The following SHLD2 variants were observed in gnomAD, a reference collection of about 807,000 sequenced individuals.
The protein encoded by SHLD2 is shieldin complex subunit 2.
SHLD2 carries 30 observed loss-of-function variants against 73.2 expected under a neutral mutation model. The observed-to-expected ratio is 0.41, with a 90% CI of 0.31 to 0.56. The LOEUF (loss-of-function observed/expected upper bound fraction) is 0.56. Among genes scored for constraint, SHLD2 ranks in the 20% least tolerant of loss-of-function variants. SHLD2 has a pLI of 0.28. For missense variants in SHLD2, 745 were observed against 1,055.9 expected (o/e 0.71, Z 4.08); for synonymous variants, 285 against 370.1 (o/e 0.77, Z 2.64).
chr10:87,110,299 G>A (rs1346843704), intron 2 of SHLD2, among the ~76,000 whole-genome samples: 1 of 147,980 alleles, frequency 6.8e-6, no homozygotes, highest in Non-Finnish European at 1.5e-5. Flanking sequence ...CTCAAAATAA[G>A]TAAATAAATA....
chr10:87,127,541 C>CG lies in SHLD2; in HGVS notation c.-5-23809_-5-23808insG, dbSNP rs1473390918. On this transcript the variant is annotated intron_variant, in intron 2 of 9. Transcript: ENST00000298786. Reference sequence around the variant, plus strand: ...GTCCCTCTTACCCGCCCCCCCCCACCCCGTCTGCCACCCCCCGCCTCCCAC... The same window carrying CG: ...GTCCCTCTTACCCGCCCCCCCCCACCGCCGTCTGCCACCCCCCGCCTCCCAC... Among the ~76,000 whole-genome samples, 217 of 82,102 alleles carry CG rather than the reference C, an allele frequency of 2.6e-3. 8 individuals carry two copies. The highest frequency in any genetic ancestry group is 3.7e-3 in the Non-Finnish European group (144 of 39,118). 53.9% of individuals were successfully genotyped at this position (82,102 alleles called of 152,430 possible).
At chr10:87,106,690 A>G (rs1013736847) in intron 2 of SHLD2, among the ~76,000 whole-genome samples, 1 of 152,250 alleles carries the variant, frequency 6.6e-6, no homozygotes, top group Non-Finnish European at 1.5e-5. Context: ...TGAGGATTAT[A>G]ATGAAATATC....
chr10:87,117,706 G>T (rs1313059473), intron 2 of SHLD2, among the ~76,000 whole-genome samples: 1 of 152,048 alleles, frequency 6.6e-6, no homozygotes, highest in Non-Finnish European at 1.5e-5. Flanking sequence ...GAGGTGGGAG[G>T]ATCTCTTGAG....
At position 87,095,206 on chromosome 10, in the gene SHLD2, G is replaced by C. The variant is rs918170554; in HGVS notation, c.-104G>C. The C allele has an allele frequency of 4.9e-4, 72 of 146,918 alleles. No homozygotes were observed. The highest frequency in any genetic ancestry group is 1.7e-3 in the African/African-American group (70 of 40,234). 9.1% of individuals were successfully genotyped at this position (146,918 alleles called of 1,614,324 possible). On this transcript the variant is annotated 5_prime_UTR_variant, in exon 1 of 10. Coordinates refer to ENST00000298786, the MANE Select transcript of SHLD2 (RefSeq NM_001330112.2). ...GGTCGGGGCGGGCCCACGGGCGGCC[G>C]GATTTGCCCGGAGGCCGCACCCGCC... is the stretch of plus-strand genomic sequence containing the variant.
intron 2 of SHLD2, among the ~76,000 whole-genome samples, chr10:87,142,290 G>T (rs1193484183): frequency 1.3e-5 from 2 of 152,176 alleles, no homozygotes; most frequent in Non-Finnish European, 1.5e-5. Context: ...ATAAATCAGT[G>T]CTTTGGGAGC....
At chr10:87,107,139 G>A (rs1564577545) in intron 2 of SHLD2, among the ~76,000 whole-genome samples, 1 of 151,240 alleles carries the variant, frequency 6.6e-6, no homozygotes, top group Admixed American at 6.6e-5. Flanking sequence ...AAGGCCAGGT[G>A]CAGTGGCTCA....
chr10:87,140,696 G>C (rs894011992), intron 2 of SHLD2, among the ~76,000 whole-genome samples: 2 of 150,868 alleles, frequency 1.3e-5, no homozygotes, highest in African/African-American at 4.9e-5. Flanking sequence ...AATAAAATTA[G>C]TGCCAGTCAT....
In SHLD2 at chr10:87,180,196, A is replaced by G. The variant is rs747941897; in HGVS notation, c.2292A>G (p.Val764=). The part of the protein sequence containing the change: ...KSIFSSLPNI[V]YTGCAKCGLE... ...TTTTTTCTTCTCTTCCCAACATCGT[A>G]TATACTGGTTGTGCAAAATGTGGAT... is the stretch of plus-strand genomic sequence containing the variant. Residue 764 remains valine, a synonymous_variant, in exon 8 of 10, where the codon GTA becomes GTG. Coordinates refer to ENST00000298786, the MANE Select transcript of SHLD2 (RefSeq NM_001330112.2). 3.7e-6 allele frequency: 6 copies of G among 1,612,898 alleles called. No homozygotes were observed. The highest frequency in any genetic ancestry group is 2.2e-5 in the East Asian group (1 of 44,852).
chr10:87,175,407 C>T (rs1847890363), intron 6 of SHLD2, among the ~76,000 whole-genome samples: 1 of 150,926 alleles, frequency 6.6e-6, no homozygotes, highest in Non-Finnish European at 1.5e-5. Flanking sequence ...CTCTGGTGGC[C>T]CGGCACGGAG....
intron 9 of SHLD2, among the ~76,000 whole-genome samples, chr10:87,187,910 G>C (rs1322763125): frequency 6.6e-6 from 1 of 152,108 alleles, no homozygotes; most frequent in African/African-American, 2.4e-5. Flanking sequence ...TTCAGGTTTT[G>C]TTGTTTCTCT....
chr10:87,111,640 C>CA (rs972282870), intron 2 of SHLD2, among the ~76,000 whole-genome samples: 22,281 of 66,466 alleles, frequency 0.34, 3,417 homozygotes, highest in East Asian at 0.72. Flanking sequence ...GAGTCTGTCT[C>CA]AAAAAAAAAA....
At chr10:87,115,311 A>G (rs1271654601) in intron 2 of SHLD2, 1 of 152,238 alleles carries the variant, frequency 6.6e-6, no homozygotes, top group Non-Finnish European at 1.5e-5. Flanking sequence ...TCGGCCTCCC[A>G]AAGTGTTTGG....
intron 2 of SHLD2, among the ~76,000 whole-genome samples, chr10:87,136,649 A>T (rs1315871959): frequency 4.6e-5 from 7 of 152,120 alleles, no homozygotes; most frequent in African/African-American, 1.7e-4. Context: ...GAATCACTAC[A>T]TGGATGATTC....
At chr10:87,107,554 A>G (rs1169439536) in intron 2 of SHLD2, among the ~76,000 whole-genome samples, 3 of 152,238 alleles carry the variant, frequency 2.0e-5, no homozygotes, top group African/African-American at 4.8e-5. Flanking sequence ...AGTTGAAGCA[A>G]CCTATTAAAG....
intron 2 of SHLD2, among the ~76,000 whole-genome samples, chr10:87,115,885 AAGG>A (rs1426288356): frequency 8.5e-5 from 13 of 152,232 alleles, no homozygotes. Context: ...TGAGAGGTGG[AAGG>A]AGGAGTAGGA....
chr10:87,189,579 T>C (rs1297024850), intron 9 of SHLD2, among the ~76,000 whole-genome samples: 7 of 152,128 alleles, frequency 4.6e-5, no homozygotes, highest in Non-Finnish European at 8.8e-5. Context: ...CCCCAAAATA[T>C]GTCATTGGTC....
intron 2 of SHLD2, among the ~76,000 whole-genome samples, chr10:87,119,941 G>A (rs1386543494): frequency 2.0e-5 from 3 of 152,078 alleles, no homozygotes; most frequent in East Asian, 3.9e-4. Flanking sequence ...TAAGGCTACT[G>A]GAAGAAAAAT....
chr10:87,176,247 G>A (rs544931379), intron 7 of SHLD2, among the ~76,000 whole-genome samples, 152 bp downstream of exon 7: 6 of 152,310 alleles, frequency 3.9e-5, no homozygotes, highest in African/African-American at 1.2e-4. Context: ...TCAGCCTTTC[G>A]CGTAGCTCAG....
Position 87,120,708 on chromosome 10 carries a change from G to A in SHLD2, c.-6+23719G>A, listed in dbSNP as rs1367514866. On this transcript the variant is annotated intron_variant, in intron 2 of 9. Transcript: ENST00000298786. ...ACATTTAAAAGCTGTATTGAAGAGA[G>A]AATATTAATGTTTGCGAAGTAAACT... 7.2e-5 allele frequency among the ~76,000 whole-genome samples: 11 copies of A among 152,250 alleles called. No individual in the cohort carries two copies. In the East Asian group the frequency reaches 2.1e-3, roughly 29 times the overall value.
Sources: allele counts gnomAD v4.1 joint callset (sites outside exome capture counted in the v4.1 genomes callset), GRCh38; gene constraint gnomAD v4.1.1; transcripts MANE v1.5; gene names NCBI Gene and HGNC (gene_info 2026-07-23, HGNC 2026-07-21).